Variants in NGEF observed in about 807,000 individuals in gnomAD.
NGEF encodes the protein neuronal guanine nucleotide exchange factor.
Under a neutral mutation model 80.9 loss-of-function variants are expected in NGEF, and 31 were observed. That is an observed-to-expected ratio of 0.38 (90% CI 0.29 to 0.52). The LOEUF (loss-of-function observed/expected upper bound fraction) is 0.52. Among genes scored for constraint, NGEF ranks in the 20% least tolerant of loss-of-function variants. The probability of loss-of-function intolerance (pLI) is 0.84; values close to 1 mark genes in which losing one functional copy is unlikely to be tolerated. For synonymous variants in NGEF, 371 were observed against 370.2 expected, an observed-to-expected ratio of 1.00 and a Z score of -0.03; for missense variants, 709 against 926.2, an observed-to-expected ratio of 0.77 and a Z score of 3.04.
intron 1 of NGEF, 60 bp from the exon 2 acceptor site, chr2:232,975,024 C>A: frequency 1.2e-6 from 1 of 817,270 alleles, no homozygotes; most frequent in Non-Finnish European, 1.9e-6. Context: ...TCTATTCAGA[C>A]TGTGGAACTC....
At chr2:232,883,133 A>G (rs554707982) in intron 12 of NGEF, among the ~76,000 whole-genome samples, 178 bp downstream of exon 12, 1 of 152,074 alleles carries the variant, frequency 6.6e-6, no homozygotes, top group East Asian at 1.9e-4. Flanking sequence ...ACCTGCAGCC[A>G]CCCCCAGCGG....
At chr2:233,002,447 G>A (rs572336058) in intron 1 of NGEF, among the ~76,000 whole-genome samples, 1 of 152,130 alleles carries the variant, frequency 6.6e-6, no homozygotes, top group African/African-American at 2.4e-5. Flanking sequence ...GGAGGCCGAG[G>A]CAGGAGGGTC....
At chr2:232,920,788 C>T (rs943731295) in intron 4 of NGEF, among the ~76,000 whole-genome samples, 2 of 152,116 alleles carry the variant, frequency 1.3e-5, no homozygotes, top group Non-Finnish European at 2.9e-5. Flanking sequence ...TTGGGAAAGA[C>T]CAGCATGCTT....
Position 232,888,013 on chromosome 2 carries a change from CAAG to C in NGEF, c.1347+17_1347+19del, listed in dbSNP as rs757669632. 1 of 1,606,040 alleles carries C rather than the reference CAAG, an allele frequency of 6.2e-7. No individual in the cohort carries two copies. The highest frequency in any genetic ancestry group is 8.5e-7 in the Non-Finnish European group (1 of 1,172,618). On this transcript the variant is annotated intron_variant, in intron 9 of 14. Transcript: ENST00000264051. ...GAAAACAGTGCATTGGGATACAGCA[CAAG>C]AGGAGGTGAGACTCACCATTTCCAG...
intron 3 of NGEF, among the ~76,000 whole-genome samples, chr2:232,948,301 C>G (rs1285434797): frequency 6.6e-6 from 1 of 152,048 alleles, no homozygotes; most frequent in Non-Finnish European, 1.5e-5. Flanking sequence ...GATTCTCCTG[C>G]CTCAGACAAT....
intron 3 of NGEF, chr2:232,928,278 C>G (rs1405705751): frequency 7.3e-5 from 45 of 614,024 alleles, no homozygotes; most frequent in Non-Finnish European, 9.1e-5. Flanking sequence ...CTGGGCGCGA[C>G]CCGGGCCCCG....
At chr2:232,945,486 GACA>G (rs1333740352) in intron 3 of NGEF, among the ~76,000 whole-genome samples, 5 of 152,042 alleles carry the variant, frequency 3.3e-5, no homozygotes, top group Non-Finnish European at 7.4e-5. Flanking sequence ...CACAGACACA[GACA>G]CAGACACAGA....
chr2:232,926,111 C>A (rs1693060040), intron 4 of NGEF, among the ~76,000 whole-genome samples: 1 of 152,200 alleles, frequency 6.6e-6, no homozygotes, highest in Admixed American at 6.5e-5. Context: ...CCACTGGAGA[C>A]ACGTCCTGTC....
intron 1 of NGEF, among the ~76,000 whole-genome samples, chr2:233,000,917 T>G (rs1694963273): frequency 6.6e-6 from 1 of 152,104 alleles, no homozygotes; most frequent in Non-Finnish European, 1.5e-5. Context: ...AACACTTGGA[T>G]TTCTGGTTGG....
chr2:232,917,549 A>C (rs1692834462), intron 5 of NGEF, among the ~76,000 whole-genome samples: 1 of 151,760 alleles, frequency 6.6e-6, no homozygotes, highest in Non-Finnish European at 1.5e-5. Flanking sequence ...GGCTTACTGA[A>C]ACCTCTGCCT....
intron 3 of NGEF, among the ~76,000 whole-genome samples, chr2:232,955,630 T>A (rs1315717138): frequency 2.0e-5 from 3 of 152,210 alleles, no homozygotes; most frequent in Non-Finnish European, 4.4e-5. Flanking sequence ...GCAATTCTTG[T>A]GCCTCAGCCT....
intron 2 of NGEF, among the ~76,000 whole-genome samples, chr2:232,972,226 G>T (rs1020497431): frequency 6.6e-6 from 1 of 152,102 alleles, no homozygotes; most frequent in African/African-American, 2.4e-5. Context: ...CATGCGAATT[G>T]AGAGGGGCTG....
chr2:232,950,191 T>A (rs1255952248), intron 3 of NGEF, among the ~76,000 whole-genome samples: 2 of 152,186 alleles, frequency 1.3e-5, no homozygotes, highest in African/African-American at 4.8e-5. Context: ...ACTAGTGAAG[T>A]TTATTTTTTT....
At chr2:232,991,536 A>G (rs1488979220) in intron 1 of NGEF, among the ~76,000 whole-genome samples, 1 of 152,162 alleles carries the variant, frequency 6.6e-6, no homozygotes, top group Non-Finnish European at 1.5e-5. Flanking sequence ...TACATTTAAC[A>G]AAAGAAGGGC....
intron 1 of NGEF, among the ~76,000 whole-genome samples, chr2:232,980,562 G>A (rs571481419): frequency 6.6e-6 from 1 of 151,974 alleles, no homozygotes; most frequent in Non-Finnish European, 1.5e-5. Context: ...GCAGTGGCGC[G>A]ATCTCAGCTC....
intron 1 of NGEF, among the ~76,000 whole-genome samples, chr2:232,976,726 G>T (rs1694303433): frequency 1.3e-5 from 2 of 152,206 alleles, no homozygotes. Context: ...GTACTCAGAG[G>T]TTGCCTCAGA....
rs187018305 is a variant in NGEF, at chr2:233,007,098, G to A, written c.-75+5970C>T. Among the ~76,000 whole-genome samples, 77 of 152,182 alleles carry A rather than the reference G, an allele frequency of 5.1e-4. 1 individual carries two copies. In the East Asian group the frequency reaches 0.014, roughly 28 times the overall value. ...ATTTCTACAAAAAATACAAAAATTA[G>A]CCAGATGTGATGGCACACATCTGTG... On this transcript the variant is annotated intron_variant, in intron 1 of 14. Coordinates refer to ENST00000264051, the MANE Select transcript of NGEF (RefSeq NM_019850.3).
intron 3 of NGEF, among the ~76,000 whole-genome samples, chr2:232,943,207 T>C (rs1447572753): frequency 1.3e-5 from 2 of 151,616 alleles, no homozygotes; most frequent in Non-Finnish European, 2.9e-5. Context: ...TTGCCAGAAA[T>C]ACAAGTTTCT....
intron 1 of NGEF, among the ~76,000 whole-genome samples, chr2:232,994,243 G>A (rs1359296711): frequency 1.3e-5 from 2 of 151,940 alleles, no homozygotes; most frequent in African/African-American, 4.8e-5. Flanking sequence ...GGTAGTGGCT[G>A]CCTGTAATCT....
Sources: allele counts gnomAD v4.1 joint callset (sites outside exome capture counted in the v4.1 genomes callset), GRCh38; gene constraint gnomAD v4.1.1; transcripts MANE v1.5; gene names NCBI Gene and HGNC (gene_info 2026-07-23, HGNC 2026-07-21).